INPPL1: variants seen among roughly 807,000 people sequenced by gnomAD.
The protein encoded by INPPL1 is inositol polyphosphate phosphatase like 1, also known as phosphatidylinositol 3,4,5-trisphosphate 5-phosphatase 2.
INPPL1 carries 91 observed loss-of-function variants against 139.3 expected under a neutral mutation model. The observed-to-expected ratio is 0.65, with a 90% CI of 0.55 to 0.78. The LOEUF (loss-of-function observed/expected upper bound fraction) is 0.78, where lower values mean the gene tolerates loss of function less well. INPPL1 is among the 30% of genes least tolerant of loss of function. INPPL1 has a pLI of 0.00. For synonymous variants in INPPL1, 719 were observed against 686.6 expected (o/e 1.05, Z -0.74); for missense variants, 1,411 against 1,665.6 (o/e 0.85, Z 2.66).
At chr11:72,230,751 C>A in intron 10 of INPPL1, 45 bp from the exon 11 acceptor site, 1 of 1,543,936 alleles carries the variant, frequency 6.5e-7, no homozygotes, top group Non-Finnish European at 8.9e-7. Flanking sequence ...GGACGGGGGG[C>A]TTCCTGGATG....
Position 72,229,013 on chromosome 11 carries a change from A to G in INPPL1, c.519-77A>G, listed in dbSNP as rs372219533. ...TCCCGCCCTGGTTGCCACAGGTACT[A>G]TCTCCTCTAGGGATGGGGCAGAGGT... On this transcript the variant is annotated intron_variant, in intron 4 of 27. Transcript: ENST00000298229. The G allele has an allele frequency of 2.4e-4, 365 of 1,535,824 alleles. 1 individual carries two copies. Among genetic ancestry groups the G allele is most frequent in the South Asian group, 1.8e-3 (144 of 79,372 alleles).
In INPPL1 at chr11:72,229,221, G is replaced by A; in HGVS notation, c.650G>A (p.Arg217Lys). The A allele has an allele frequency of 6.2e-7, 1 of 1,608,794 alleles. No homozygotes were observed. The highest frequency in any genetic ancestry group is 1.1e-5 in the South Asian group (1 of 90,488). The part of the protein sequence containing the change: ...LTRTLATSCR[R>K]LHSEVDKVLS... ...CGTACCCTCGCTACCTCATGCCGGA[G>A]GCTGCACAGGTATCTGGGACATCCA... Residue 217 changes from arginine (R) to lysine (K), a missense_variant, in exon 5 of 28, where the codon AGG becomes AAG. Coordinates refer to ENST00000298229, the MANE Select transcript of INPPL1 (RefSeq NM_001567.4).
rs758146582 is a variant in INPPL1, at chr11:72,229,676, C to G, written c.767C>G (p.Thr256Arg). The change falls in exon 7 of 28, where the codon ACA (threonine) becomes AGA (arginine). Residue 256 changes from threonine (T) to arginine (R), a missense_variant. By Grantham distance (71) the Thr-to-Arg change is moderately conservative. Around this residue, in one of 5 missense-constraint regions of INPPL1, gnomAD observed 504 missense variants for 595.6 expected, o/e 0.85. Coordinates refer to ENST00000298229, the MANE Select transcript of INPPL1 (RefSeq NM_001567.4). ...TCCTCCCCCCAGAACCTGCCACAGACAGGGGAGCAGGAACTAGAGAGCCTG... is the reference window on the plus strand; with the variant it reads ...TCCTCCCCCCAGAACCTGCCACAGAGAGGGGAGCAGGAACTAGAGAGCCTG... ...RLLQQQNLPQ[T>R]GEQELESLVL... 6.2e-7 allele frequency: 1 copy of G among 1,614,058 alleles called. No individual in the cohort carries two copies. Among genetic ancestry groups the G allele is most frequent in the Non-Finnish European group, 8.5e-7 (1 of 1,179,970 alleles).
intron 10 of INPPL1, 48 bp from the exon 11 acceptor site, chr11:72,230,748 G>C: frequency 6.6e-7 from 1 of 1,524,256 alleles, no homozygotes; most frequent in Non-Finnish European, 9.1e-7. Flanking sequence ...TGTGGACGGG[G>C]GGCTTCCTGG....
rs773393276 is a variant in INPPL1, at chr11:72,228,456, G to T, written c.355G>T (p.Gly119Cys). 1 of 1,611,174 alleles carries T rather than the reference G, an allele frequency of 6.2e-7. No individual in the cohort carries two copies. The highest frequency in any genetic ancestry group is 1.1e-5 in the South Asian group (1 of 91,028). ...GTGCGCCCTGCTTCTTCCTGTAGAGGGTGAGCGAGAGCCGGACCCACCGGA... is the reference window on the plus strand; with the variant it reads ...GTGCGCCCTGCTTCTTCCTGTAGAGTGTGAGCGAGAGCCGGACCCACCGGA... ...LVCALLLPVEGEREPDPPDDR... is the reference protein window; with the variant it reads ...LVCALLLPVECEREPDPPDDR... The change falls in exon 3 of 28, where the codon GGT becomes TGT. Residue 119 changes from glycine (G) to cysteine (C), a missense_variant. Around this residue, in one of 5 missense-constraint regions of INPPL1, gnomAD observed 504 missense variants for 595.6 expected, o/e 0.85. Coordinates refer to ENST00000298229, the MANE Select transcript of INPPL1 (RefSeq NM_001567.4). This position sits in a 1 kb window ranked among gnomAD's most constrained non-coding sequence, Gnocchi z 5.0.
At chr11:72,232,489 A>T (rs1948862327) in intron 14 of INPPL1, 137 bp from the exon 15 acceptor site, 2 of 1,262,194 alleles carry the variant, frequency 1.6e-6, no homozygotes, top group African/African-American at 3.0e-5. Flanking sequence ...TCTGTTCCTG[A>T]CCCTAACCTT....
rs760582442 is a variant in INPPL1, at chr11:72,237,766, G to A, written c.3522G>A (p.Arg1174=). Residue 1174 remains arginine, a synonymous_variant, in exon 26 of 28, where the codon CGG becomes CGA. Coordinates refer to ENST00000298229, the MANE Select transcript of INPPL1 (RefSeq NM_001567.4). ...TCAGCTTCCCTCCACCCCGCATCCG[G>A]GAGAGCATCCAGGAAGACCTGGCAG... ...RPLSFPPPRI[R]ESIQEDLAEE... The A allele has an allele frequency of 1.9e-6, 3 of 1,610,190 alleles. No homozygotes were observed. Among genetic ancestry groups the A allele is most frequent in the Non-Finnish European group, 2.5e-6 (3 of 1,178,822 alleles).
chr11:72,229,166 G>A lies in INPPL1; in HGVS notation c.595G>A (p.Gly199Ser). The A allele has an allele frequency of 6.2e-7, 1 of 1,613,810 alleles. No homozygotes were observed. Among genetic ancestry groups the A allele is most frequent in the Non-Finnish European group, 8.5e-7 (1 of 1,179,926 alleles). Residue 199 changes from glycine to serine, a missense_variant, in exon 5 of 28, where the codon GGT (glycine) becomes AGT (serine). By Grantham distance (56) the Gly-to-Ser change is moderately conservative. Coordinates refer to ENST00000298229, the MANE Select transcript of INPPL1 (RefSeq NM_001567.4). ...SYGLDLEAVR[G>S]GASHLPHLTR... ...TGGGCTGGACCTGGAAGCTGTGAGGGGTGGAGCCAGCCACCTGCCCCACCT... is the reference window on the plus strand; with the variant it reads ...TGGGCTGGACCTGGAAGCTGTGAGGAGTGGAGCCAGCCACCTGCCCCACCT...
chr11:72,238,135 G>A lies in INPPL1; in HGVS notation c.3646G>A (p.Gly1216Ser). Residue 1216 changes from glycine to serine, a missense_variant, in exon 27 of 28, where the codon GGC (glycine) becomes AGC (serine). Coordinates refer to ENST00000298229, the MANE Select transcript of INPPL1 (RefSeq NM_001567.4). Reference sequence around the variant, plus strand: ...CATCGGCTTGGAGCGCTATGAGGAGGGCCTGGTGCATAATGGCTGGGACGA... The same window carrying A: ...CATCGGCTTGGAGCGCTATGAGGAGAGCCTGGTGCATAATGGCTGGGACGA... Reference protein sequence around the residue: ...RAIGLERYEEGLVHNGWDDLE... With the variant: ...RAIGLERYEESLVHNGWDDLE... 6.3e-7 allele frequency: 1 copy of A among 1,588,654 alleles called. No individual in the cohort carries two copies. The highest frequency in any genetic ancestry group is 8.6e-7 in the Non-Finnish European group (1 of 1,167,738).
At chr11:72,225,279 C>T (rs1409031688) in intron 1 of INPPL1, 113 bp downstream of exon 1, 1 of 1,220,486 alleles carries the variant, frequency 8.2e-7, no homozygotes, top group Non-Finnish European at 1.0e-6. Context: ...CCAGACCCGC[C>T]TCCACCCCCC....
chr11:72,237,068 C>T, intron 25 of INPPL1, 56 bp from the exon 26 acceptor site: 1 of 1,481,220 alleles, frequency 6.8e-7, no homozygotes, highest in Admixed American at 2.2e-5. Flanking sequence ...ACTGCTTCCA[C>T]TGCCTTAGAC....
intron 1 of INPPL1, among the ~76,000 whole-genome samples, chr11:72,226,411 C>T (rs944869741): frequency 1.3e-5 from 2 of 152,060 alleles, no homozygotes; most frequent in Non-Finnish European, 2.9e-5. Context: ...GAACTCCTGA[C>T]CTCAAGTGAT....
chr11:72,237,701 C>T lies in INPPL1; in HGVS notation c.3457C>T (p.Gln1153Ter). ...SALLPGPLEL[Q>*]PPRGLPSDYG... ...GCTCCTCCCAGGCCCCCTGGAGCTG[C>T]AGCCCCCCCGGGGACTGCCCTCGGA... The change falls in exon 26 of 28, where the codon CAG becomes TAG. Residue 1153 changes from glutamine to a stop codon, truncating the protein, a stop_gained. Transcript: ENST00000298229. LOFTEE classifies it high-confidence loss of function. 1 of 1,611,716 alleles carries T rather than the reference C, an allele frequency of 6.2e-7. No homozygotes were observed. The highest frequency in any genetic ancestry group is 8.5e-7 in the Non-Finnish European group (1 of 1,179,438).
At chr11:72,224,438 A>G (rs973748105), upstream of INPPL1, among the ~76,000 whole-genome samples, 5 of 149,358 alleles carry the variant, frequency 3.3e-5, no homozygotes, top group East Asian at 6.1e-4. Flanking sequence ...TCAGACCTTT[A>G]TGGGGCTTAG....
At chr11:72,231,652 T>C in intron 13 of INPPL1, 37 bp downstream of exon 13, 1 of 1,428,728 alleles carries the variant, frequency 7.0e-7, no homozygotes, top group Non-Finnish European at 9.9e-7. Flanking sequence ...AGTGGCAGCG[T>C]CTCTCTGTCC....
chr11:72,233,451 A>G lies in INPPL1; in HGVS notation c.2051A>G (p.Asn684Ser), dbSNP rs767412697. The change falls in exon 18 of 28, where the codon AAT (asparagine) becomes AGT (serine). Residue 684 changes from asparagine (N) to serine (S), a missense_variant. Transcript: ENST00000298229. Reference protein sequence around the residue: ...HKQKPTGVRTNVPSWCDRILW... With the variant: ...HKQKPTGVRTSVPSWCDRILW... ...CATCCCCTGCCCCAGGTCCGGACCA[A>G]TGTGCCCTCATGGTGTGACCGGATT... 4 of 1,613,976 alleles carry G rather than the reference A, an allele frequency of 2.5e-6. No homozygotes were observed. Among genetic ancestry groups the G allele is most frequent in the Non-Finnish European group, 3.4e-6 (4 of 1,179,994 alleles).
intron 26 of INPPL1, 78 bp downstream of exon 26, chr11:72,237,874 C>A: frequency 6.7e-7 from 1 of 1,490,740 alleles, no homozygotes; most frequent in Non-Finnish European, 9.0e-7. Context: ...CTCCACCATT[C>A]AGCACTCATG....
intron 13 of INPPL1, among the ~76,000 whole-genome samples, chr11:72,231,891 G>GC (rs1437200591): frequency 6.6e-6 from 1 of 152,180 alleles, no homozygotes; most frequent in Non-Finnish European, 1.5e-5. Context: ...AAGTGGTGGA[G>GC]CCAGGCATTG....
At position 72,237,171 on chromosome 11, in the gene INPPL1, C is replaced by G. The variant is rs185990433; in HGVS notation, c.2927C>G (p.Pro976Arg). Residue 976 changes from proline to arginine, a missense_variant, in exon 26 of 28, where the codon CCA (proline) becomes CGA (arginine). By Grantham distance (103) the Pro-to-Arg change is moderately radical (BLOSUM62 -2). Coordinates refer to ENST00000298229, the MANE Select transcript of INPPL1 (RefSeq NM_001567.4). Reference protein sequence around the residue: ...APEPEGVAAPPPKNSFNNPAY... With the variant: ...APEPEGVAAPRPKNSFNNPAY... ...GAACCAGAAGGGGTGGCGGCCCCCC[C>G]ACCCAAGAACAGCTTCAATAACCCT... 9 of 1,603,710 alleles carry G rather than the reference C, an allele frequency of 5.6e-6. No homozygotes were observed. In the East Asian group the frequency reaches 9.0e-5, roughly 16 times the overall value.
Sources: gnomAD v4.1 joint callset for allele counts (sites outside exome capture counted in the v4.1 genomes callset) on GRCh38, gnomAD v4.1.1 for gene constraint, gnomAD v4.1.1 regional missense constraint, Gnocchi (gnomAD v3.1) non-coding constraint, MANE v1.5 for transcripts, NCBI Gene and HGNC (gene_info 2026-07-23, HGNC 2026-07-21) for gene names.